Variants in PRKAR1B observed in about 807,000 individuals in gnomAD.
PRKAR1B encodes the protein protein kinase cAMP-dependent type I regulatory subunit beta.
A neutral mutation model predicts 46.5 loss-of-function variants in PRKAR1B; 22 were observed. That is an observed-to-expected ratio of 0.47 (90% CI 0.34 to 0.68). The LOEUF (loss-of-function observed/expected upper bound fraction) is 0.68. Among genes scored for constraint, PRKAR1B ranks in the 30% least tolerant of loss-of-function variants. PRKAR1B has a pLI of 0.01. For missense variants in PRKAR1B, 445 were observed against 535.6 expected (o/e 0.83, Z 1.67); for synonymous variants, 259 against 217.7 (o/e 1.19, Z -1.67).
At position 680,679 on chromosome 7, in the gene PRKAR1B, C is replaced by T. The variant is rs764939348; in HGVS notation, c.225G>A (p.Ser75=). 11 of 1,613,712 alleles carry T rather than the reference C, an allele frequency of 6.8e-6. No homozygotes were observed. The highest frequency in any genetic ancestry group is 8.5e-6 in the Non-Finnish European group (10 of 1,179,918). Residue 75 remains serine (S), a synonymous_variant, in exon 3 of 11, where the codon TCG becomes TCA. Transcript: ENST00000537384. ...ILARQKSNSQ[S]DSHDEEVSPT... ...GCGACACCTCCTCATCATGGGAGTC[C>T]GACTGTGAGTTTGACTTTTGCCGCG... is the stretch of plus-strand genomic sequence containing the variant.
intron 2 of PRKAR1B, among the ~76,000 whole-genome samples, chr7:687,864 G>C (rs772690374): frequency 1.3e-5 from 2 of 152,150 alleles, no homozygotes; most frequent in Non-Finnish European, 2.9e-5. Context: ...GGGAGGCCGA[G>C]GCAGGCGGAT....
At chr7:621,420 C>A (rs1783102315) in intron 4 of PRKAR1B, among the ~76,000 whole-genome samples, 1 of 152,148 alleles carries the variant, frequency 6.6e-6, no homozygotes, top group South Asian at 2.1e-4. Context: ...TGTTGGCTTT[C>A]CTTTGAAAAA....
upstream of PRKAR1B, chr7:727,413 C>T: frequency 1.8e-6 from 1 of 562,932 alleles, no homozygotes; most frequent in East Asian, 4.5e-5. Flanking sequence ...CTCGGCCCCG[C>T]CCCCCTCCAC....
At chr7:583,537 A>G (rs9691871) in intron 8 of PRKAR1B, among the ~76,000 whole-genome samples, 1 of 61,296 alleles carries the variant, frequency 1.6e-5, no homozygotes, top group Non-Finnish European at 3.3e-5. Context: ...ACACCCACTC[A>G]CACACGTGCC....
intron 4 of PRKAR1B, among the ~76,000 whole-genome samples, chr7:676,055 T>A (rs771291138): frequency 6.6e-6 from 1 of 152,164 alleles, no homozygotes; most frequent in Non-Finnish European, 1.5e-5. Context: ...CTAACTGGCA[T>A]GGAAAGGTGT....
chr7:626,565 A>G (rs1401429801), intron 4 of PRKAR1B, among the ~76,000 whole-genome samples: 1 of 152,222 alleles, frequency 6.6e-6, no homozygotes, highest in African/African-American at 2.4e-5. Context: ...TAATTCTACC[A>G]AATATTTAGG....
chr7:711,033 C>T (rs1019256842), intron 2 of PRKAR1B, among the ~76,000 whole-genome samples: 5 of 152,184 alleles, frequency 3.3e-5, no homozygotes, highest in Admixed American at 6.5e-5. Context: ...GACCTAAAAC[C>T]CTGAACCTCC....
At chr7:707,766 C>A (rs1046858098) in intron 2 of PRKAR1B, among the ~76,000 whole-genome samples, 1 of 152,176 alleles carries the variant, frequency 6.6e-6, no homozygotes, top group Non-Finnish European at 1.5e-5. Context: ...GTCTACCAGC[C>A]TGGACCACCC....
At chr7:588,591 A>G (rs201167342) in intron 7 of PRKAR1B, among the ~76,000 whole-genome samples, 2,683 of 64,820 alleles carry the variant, frequency 0.041, 157 homozygotes, top group African/African-American at 0.1. Flanking sequence ...GACAGTGGTG[A>G]TGACGGTGGT....
At chr7:552,556 C>T (rs562880641) in intron 9 of PRKAR1B, among the ~76,000 whole-genome samples, 11 of 152,338 alleles carry the variant, frequency 7.2e-5, no homozygotes, top group African/African-American at 2.6e-4. Context: ...CTGCTTCTCC[C>T]GTTCCCGGCA....
intron 4 of PRKAR1B, among the ~76,000 whole-genome samples, chr7:637,416 C>CA (rs1272996288): frequency 2.0e-5 from 3 of 151,108 alleles, no homozygotes; most frequent in Non-Finnish European, 3.0e-5. Flanking sequence ...GACTCTGTCT[C>CA]AAAAAAACAA....
At chr7:686,617 C>T (rs987052791) in intron 2 of PRKAR1B, among the ~76,000 whole-genome samples, 2 of 152,084 alleles carry the variant, frequency 1.3e-5, no homozygotes, top group Non-Finnish European at 2.9e-5. Context: ...GTTTTTACTC[C>T]TGTTAATGAC....
At chr7:669,867 A>ATTTTTTTTTTTTT (rs570284003) in intron 4 of PRKAR1B, among the ~76,000 whole-genome samples, 1,703 of 130,974 alleles carry the variant, frequency 0.013, 90 homozygotes, top group Middle Eastern at 0.024. Flanking sequence ...CACGTGCCAT[A>ATTTTTTTTTTTTT]TTTTTTTTTT....
chr7:596,044 C>G (rs1781250842), intron 7 of PRKAR1B, 102 bp downstream of exon 7: 2 of 1,450,670 alleles, frequency 1.4e-6, no homozygotes, highest in South Asian at 2.6e-5. Flanking sequence ...TTGGAAGTGT[C>G]TTTTCTCCAG....
intron 7 of PRKAR1B, among the ~76,000 whole-genome samples, chr7:585,366 G>C (rs757946479): frequency 6.6e-6 from 1 of 152,094 alleles, no homozygotes; most frequent in Non-Finnish European, 1.5e-5. Flanking sequence ...CTCCACAACT[G>C]TACAGAGCAG....
intron 2 of PRKAR1B, among the ~76,000 whole-genome samples, chr7:690,028 G>C (rs1433272501): frequency 6.6e-6 from 1 of 151,268 alleles, no homozygotes; most frequent in African/African-American, 2.4e-5. Flanking sequence ...AGGCACGGTG[G>C]GCTCACGTCT....
chr7:650,605 G>A (rs193110638), intron 4 of PRKAR1B, among the ~76,000 whole-genome samples: 18 of 152,338 alleles, frequency 1.2e-4, no homozygotes, highest in Non-Finnish European at 2.4e-4. Flanking sequence ...CCCGAACAGC[G>A]TGGGGCACCT....
chr7:559,770 C>T (rs1416189598), intron 9 of PRKAR1B, among the ~76,000 whole-genome samples: 1 of 152,184 alleles, frequency 6.6e-6, no homozygotes. Context: ...CAAATATATT[C>T]ATTTTACTTA....
At position 550,132 on chromosome 7, in the gene PRKAR1B, TG is replaced by T; in HGVS notation, c.*297del. ...AGCATCTCCAGGAGACTGGCAGGGG[TG>T]GGGTGGGCCCCCCAGGAGAAGCCCA... On this transcript the variant is annotated 3_prime_UTR_variant, in exon 11 of 11. Coordinates refer to ENST00000537384, the MANE Select transcript of PRKAR1B (RefSeq NM_001164760.2). 2.6e-6 allele frequency: 1 copy of T among 383,800 alleles called. No individual in the cohort carries two copies. The highest frequency in any genetic ancestry group is 4.8e-6 in the Non-Finnish European group (1 of 207,956). 23.8% of individuals were successfully genotyped at this position (383,800 alleles called of 1,614,324 possible).
Sources: allele counts gnomAD v4.1 joint callset (sites outside exome capture counted in the v4.1 genomes callset), GRCh38; gene constraint gnomAD v4.1.1; transcripts MANE v1.5; gene names NCBI Gene and HGNC (gene_info 2026-07-23, HGNC 2026-07-21).